DBI: variants seen among roughly 807,000 people sequenced by gnomAD.
DBI encodes diazepam binding inhibitor, acyl-CoA binding protein, also known as acyl-CoA-binding protein.
A neutral mutation model predicts 13.0 loss-of-function variants in DBI; 12 were observed. That is an observed-to-expected ratio of 0.92 (90% confidence interval 0.59 to 1.49). The LOEUF (loss-of-function observed/expected upper bound fraction) is 1.49. DBI is among the 40% of genes most tolerant of loss of function. The probability of loss-of-function intolerance (pLI) is 0.00; values close to 1 mark genes in which losing one functional copy is unlikely to be tolerated. For synonymous variants in DBI, 37 were observed against 37.4 expected (o/e 0.99, Z 0.04); for missense variants, 95 against 104.8 (o/e 0.91, Z 0.41).
At chr2:119,371,184 C>T (rs1040966673) in intron 3 of DBI, among the ~76,000 whole-genome samples, 1 of 152,192 alleles carries the variant, frequency 6.6e-6, no homozygotes, top group Non-Finnish European at 1.5e-5. Context: ...GTGGCCCTCC[C>T]CAGTTCCTTC....
intron 2 of DBI, 111 bp from the exon 3 acceptor site, chr2:119,370,629 G>C (rs1681443639): frequency 1.0e-6 from 1 of 971,754 alleles, no homozygotes; most frequent in East Asian, 2.6e-5. Flanking sequence ...CCCCATGACA[G>C]AGCCTAGAAG....
chr2:119,367,309 G>T, intron 1 of DBI: 1 of 1,436,664 alleles, frequency 7.0e-7, no homozygotes, highest in Non-Finnish European at 9.1e-7. Flanking sequence ...CTGTGTAGCG[G>T]GAGAGGGGTG....
At chr2:119,367,654 G>A (rs1382807214) in intron 1 of DBI, 2 of 1,613,778 alleles carry the variant, frequency 1.2e-6, no homozygotes, top group African/African-American at 2.7e-5. Flanking sequence ...GGTCGGTGTT[G>A]AACGCGCGGG....
At chr2:119,368,599 G>C in intron 2 of DBI, 1 of 342,656 alleles carries the variant, frequency 2.9e-6, no homozygotes, top group Non-Finnish European at 5.6e-6. Context: ...AAGGCTCTCA[G>C]CTCAGTAGTA....
chr2:119,370,713 C>A (rs757027950), intron 2 of DBI, 27 bp from the exon 3 acceptor site: 7 of 1,609,058 alleles, frequency 4.4e-6, no homozygotes, highest in Non-Finnish European at 6.0e-6. Flanking sequence ...TGAACCAGAT[C>A]TAATGCCTTT....
Position 119,370,742 on chromosome 2 carries a change from C to T in DBI, c.130C>T (p.Arg44Trp), listed in dbSNP as rs144004233. 8.6e-5 allele frequency: 138 copies of T among 1,613,726 alleles called. No individual in the cohort carries two copies. Among genetic ancestry groups the T allele is most frequent in the South Asian group, 3.5e-4 (32 of 91,008 alleles). ...QATVGDINTERPGMLDFTGKA... is the reference protein window; with the variant it reads ...QATVGDINTEWPGMLDFTGKA... ...TGCCTTTTCTTCCCTTGTTTAAGAA[C>T]GGCCCGGGATGTTGGACTTCACGGG... Residue 44 changes from arginine (R) to tryptophan (W), a missense_variant and splice_region_variant, in exon 3 of 4, where the codon CGG becomes TGG. Arg to Trp is a moderately radical substitution (Grantham distance 101, BLOSUM62 -3). Coordinates refer to ENST00000355857, the MANE Select transcript of DBI (RefSeq NM_001079862.4).
intron 1 of DBI, chr2:119,367,821 G>C: frequency 1.7e-5 from 28 of 1,612,814 alleles, no homozygotes; most frequent in Non-Finnish European, 2.4e-5. Context: ...TGGCCCGGTG[G>C]TGGCCAGGCA....
intron 1 of DBI, chr2:119,367,828 G>GTGTGATTT: frequency 1.2e-6 from 2 of 1,613,012 alleles, no homozygotes; most frequent in Admixed American, 3.3e-5. Flanking sequence ...GTGGTGGCCA[G>GTGTGATTT]GCAGTTGGCC....
At chr2:119,367,396 C>G (rs1386271934) in intron 1 of DBI, 2 of 1,476,242 alleles carry the variant, frequency 1.4e-6, no homozygotes, top group South Asian at 2.7e-5. Flanking sequence ...CAGTCCCCAT[C>G]CCGAAGCACA....
At chr2:119,367,837 CCG>C in intron 1 of DBI, 1 of 1,613,082 alleles carries the variant, frequency 6.2e-7, no homozygotes, top group Non-Finnish European at 8.5e-7. Flanking sequence ...AGGCAGTTGG[CCG>C]CGCTGCTTCT....
intron 1 of DBI, 165 bp from the exon 2 acceptor site, chr2:119,368,023 T>TG: frequency 6.3e-7 from 1 of 1,574,974 alleles, no homozygotes; most frequent in East Asian, 2.2e-5. Flanking sequence ...GCTGCCCTGT[T>TG]GGGGCAGGGA....
At chr2:119,371,130 A>C in intron 3 of DBI, among the ~76,000 whole-genome samples, 1 of 151,300 alleles carries the variant, frequency 6.6e-6, no homozygotes, top group African/African-American at 2.4e-5. Context: ...CCTGTCTGCA[A>C]CTCCCTCTCC....
intron 3 of DBI, among the ~76,000 whole-genome samples, chr2:119,371,912 C>A (rs1404316225): frequency 2.0e-5 from 3 of 152,242 alleles, no homozygotes; most frequent in African/African-American, 7.2e-5. Flanking sequence ...AAAGTCACCA[C>A]GATGACAGTT....
chr2:119,368,074 C>T, intron 1 of DBI, 114 bp from the exon 2 acceptor site: 2 of 1,461,818 alleles, frequency 1.4e-6, no homozygotes, highest in East Asian at 2.3e-5. Flanking sequence ...CCGAAGGGTG[C>T]CACCTTTCCC....
At position 119,367,047 on chromosome 2, in the gene DBI, C is replaced by T. The variant is rs1681048575; in HGVS notation, c.-5C>T. ...TCTCCCTGGAGTTCTTGCAAGTCGG[C>T]CAGGATGTCTCAGGTACAGCGCGTG... On this transcript the variant is annotated 5_prime_UTR_variant, in exon 1 of 4. Transcript: ENST00000355857. The T allele has an allele frequency of 6.2e-7, 1 of 1,614,094 alleles. No individual in the cohort carries two copies. Among genetic ancestry groups the T allele is most frequent in the Non-Finnish European group, 8.5e-7 (1 of 1,179,992 alleles).
intron 2 of DBI, 130 bp from the exon 3 acceptor site, chr2:119,370,610 C>A: frequency 1.3e-6 from 1 of 760,164 alleles, no homozygotes; most frequent in Non-Finnish European, 2.2e-6. Flanking sequence ...CTCTACTAGA[C>A]CTATTTAACC....
chr2:119,370,462 AT>A (rs972713813), intron 2 of DBI: 6 of 263,330 alleles, frequency 2.3e-5, no homozygotes, highest in African/African-American at 8.8e-5. Flanking sequence ...TTAAAGTATA[AT>A]TTTTTTAAAA....
In DBI at chr2:119,372,240, T is replaced by C. The variant is rs878978443; in HGVS notation, c.191-5T>C. 7 of 1,611,478 alleles carry C rather than the reference T, an allele frequency of 4.3e-6. No individual in the cohort carries two copies. The highest frequency in any genetic ancestry group is 5.9e-6 in the Non-Finnish European group (7 of 1,177,814). Reference sequence around the variant, plus strand: ...CTGACACATAATCCTGTCGATTCCTTACAGGGACTTCCAAGGAAGATGCCA... The same window carrying C: ...CTGACACATAATCCTGTCGATTCCTCACAGGGACTTCCAAGGAAGATGCCA... On this transcript the variant is annotated splice_polypyrimidine_tract_variant and splice_region_variant and intron_variant, in intron 3 of 3. Coordinates refer to ENST00000355857, the MANE Select transcript of DBI (RefSeq NM_001079862.4).
chr2:119,368,421 G>T, intron 2 of DBI, 116 bp downstream of exon 2: 1 of 761,646 alleles, frequency 1.3e-6, no homozygotes, highest in East Asian at 2.4e-5. Context: ...TCTTCAGGTG[G>T]GGTATGGTGA....
Sources: gnomAD v4.1 joint callset for allele counts (sites outside exome capture counted in the v4.1 genomes callset) on GRCh38, gnomAD v4.1.1 for gene constraint, MANE v1.5 for transcripts, NCBI Gene and HGNC (gene_info 2026-07-23, HGNC 2026-07-21) for gene names.